Variants in SLC16A9 observed in about 807,000 individuals in gnomAD.
The protein encoded by SLC16A9 is monocarboxylate transporter 9.
Under a neutral mutation model 44.3 loss-of-function variants are expected in SLC16A9, and 26 were observed. The observed-to-expected ratio is 0.59, with a 90% CI of 0.43 to 0.81. SLC16A9 has a LOEUF of 0.81. SLC16A9 is among the 40% of genes least tolerant of loss of function. The probability of loss-of-function intolerance (pLI) is 0.00; values close to 1 mark genes in which losing one functional copy is unlikely to be tolerated. For synonymous variants in SLC16A9, 230 were observed against 225.1 expected (o/e 1.02, Z -0.19); for missense variants, 559 against 595.8 (o/e 0.94, Z 0.64).
At chr10:59,658,690 T>C (rs527486212) in intron 4 of SLC16A9, among the ~76,000 whole-genome samples, 2 of 152,336 alleles carry the variant, frequency 1.3e-5, no homozygotes, top group East Asian at 3.9e-4. Context: ...CCAACTACTC[T>C]GGATTCCCCA....
At chr10:59,666,721 A>T (rs939882321) in intron 3 of SLC16A9, among the ~76,000 whole-genome samples, 1 of 152,176 alleles carries the variant, frequency 6.6e-6, no homozygotes, top group Non-Finnish European at 1.5e-5. Context: ...CACTTTTAAA[A>T]TATAACATCG....
intron 1 of SLC16A9, among the ~76,000 whole-genome samples, chr10:59,689,439 G>A (rs537381047): frequency 1.3e-5 from 2 of 152,282 alleles, no homozygotes; most frequent in Admixed American, 6.5e-5. Flanking sequence ...CCTTGACCTT[G>A]AGCAATAAAG....
intron 1 of SLC16A9, among the ~76,000 whole-genome samples, chr10:59,694,418 T>C (rs1487487535): frequency 1.3e-5 from 2 of 152,128 alleles, no homozygotes; most frequent in African/African-American, 4.8e-5. Context: ...AATATCTACA[T>C]CTTAAAAATG....
At chr10:59,653,033 A>G (rs1162200633) in intron 5 of SLC16A9, 83 bp from the exon 6 acceptor site, 7 of 1,055,402 alleles carry the variant, frequency 6.6e-6, no homozygotes, top group African/African-American at 6.5e-5. Context: ...TCAGTTTTAT[A>G]TATAGTTATA....
At chr10:59,666,294 G>T (rs1209474034) in intron 3 of SLC16A9, among the ~76,000 whole-genome samples, 1 of 135,158 alleles carries the variant, frequency 7.4e-6, no homozygotes, top group Non-Finnish European at 1.6e-5. Flanking sequence ...GCGAGACTCT[G>T]TCTCAAAAAA....
chr10:59,702,788 G>A (rs553692346), intron 1 of SLC16A9, among the ~76,000 whole-genome samples: 37 of 152,184 alleles, frequency 2.4e-4, no homozygotes, highest in African/African-American at 6.0e-4. Context: ...TAAAAAAATC[G>A]AAATTGCCAT....
chr10:59,699,685 T>A (rs1840478236), intron 1 of SLC16A9, among the ~76,000 whole-genome samples: 1 of 148,114 alleles, frequency 6.8e-6, no homozygotes, highest in Non-Finnish European at 1.5e-5. Context: ...ATATGAAGTA[T>A]CACTCTTTTT....
At chr10:59,686,891 T>C (rs1840146638) in intron 1 of SLC16A9, among the ~76,000 whole-genome samples, 1 of 152,244 alleles carries the variant, frequency 6.6e-6, no homozygotes, top group African/African-American at 2.4e-5. Context: ...TTTCCAGTTG[T>C]ACTGCAAGAC....
intron 4 of SLC16A9, among the ~76,000 whole-genome samples, chr10:59,663,465 G>C (rs1002498679): frequency 1.3e-5 from 2 of 152,200 alleles, no homozygotes; most frequent in Non-Finnish European, 2.9e-5. Flanking sequence ...GCCGGGATAT[G>C]AGTGAAGCTG....
chr10:59,672,963 A>C, intron 2 of SLC16A9, 50 bp from the exon 3 acceptor site: 1 of 1,541,234 alleles, frequency 6.5e-7, no homozygotes, highest in Non-Finnish European at 8.8e-7. Flanking sequence ...TCCATCCATC[A>C]TAAGTTCAAA....
chr10:59,673,553 G>A (rs1839797647), intron 2 of SLC16A9, among the ~76,000 whole-genome samples: 1 of 152,200 alleles, frequency 6.6e-6, no homozygotes, highest in Non-Finnish European at 1.5e-5. Flanking sequence ...CAAGTCAATG[G>A]TAGAAGAAAG....
chr10:59,672,972 A>C, intron 2 of SLC16A9, 59 bp from the exon 3 acceptor site: 1 of 1,511,164 alleles, frequency 6.6e-7, no homozygotes, highest in Non-Finnish European at 8.9e-7. Flanking sequence ...CATAAGTTCA[A>C]AATGATTCTT....
intron 3 of SLC16A9, among the ~76,000 whole-genome samples, chr10:59,666,774 A>G (rs947415296): frequency 1.8e-4 from 27 of 152,138 alleles, no homozygotes; most frequent in African/African-American, 6.5e-4. Context: ...ACAGTTATTT[A>G]ACCTTGGGTG....
At chr10:59,660,992 T>C (rs1839462643) in intron 4 of SLC16A9, among the ~76,000 whole-genome samples, 1 of 152,166 alleles carries the variant, frequency 6.6e-6, no homozygotes, top group South Asian at 2.1e-4. Context: ...TAGGTATTGA[T>C]GGAACATATC....
At chr10:59,707,786 C>T (rs1025758829) in intron 1 of SLC16A9, among the ~76,000 whole-genome samples, 1 of 152,114 alleles carries the variant, frequency 6.6e-6, no homozygotes, top group Non-Finnish European at 1.5e-5. Flanking sequence ...GTGACCACAT[C>T]TCTGTAGTTG....
At chr10:59,691,491 G>T (rs1427369321) in intron 1 of SLC16A9, among the ~76,000 whole-genome samples, 2 of 152,144 alleles carry the variant, frequency 1.3e-5, no homozygotes, top group Non-Finnish European at 2.9e-5. Flanking sequence ...ATTAAATACA[G>T]TACATGTATT....
chr10:59,671,631 A>T (rs947719242), intron 3 of SLC16A9, among the ~76,000 whole-genome samples: 1 of 152,200 alleles, frequency 6.6e-6, no homozygotes, highest in Non-Finnish European at 1.5e-5. Flanking sequence ...AAGCAATAAG[A>T]GGTATCATTC....
intron 2 of SLC16A9, among the ~76,000 whole-genome samples, chr10:59,681,912 T>C (rs902053248): frequency 2.4e-5 from 3 of 124,508 alleles, no homozygotes; most frequent in African/African-American, 8.1e-5. Flanking sequence ...AAGTTGTAGC[T>C]ATTTAGCCAT....
intron 4 of SLC16A9, among the ~76,000 whole-genome samples, chr10:59,658,619 C>A (rs898513545): frequency 6.6e-6 from 1 of 152,158 alleles, no homozygotes; most frequent in African/African-American, 2.4e-5. Flanking sequence ...AGCTGCCATG[C>A]CTACTCTTAC....
Sources: allele counts gnomAD v4.1 joint callset (sites outside exome capture counted in the v4.1 genomes callset), GRCh38; gene constraint gnomAD v4.1.1; transcripts MANE v1.5; gene names NCBI Gene and HGNC (gene_info 2026-07-23, HGNC 2026-07-21).